Variants in USH2A observed in about 807,000 individuals in gnomAD.
The protein encoded by USH2A is usherin, also known as Usher syndrome 2A (autosomal recessive, mild).
USH2A carries 443 observed loss-of-function variants against 538.9 expected under a neutral mutation model. The observed-to-expected ratio is 0.82, with a 90% CI of 0.76 to 0.89. The LOEUF (loss-of-function observed/expected upper bound fraction) is 0.89, where lower values mean the gene tolerates loss of function less well. USH2A is among the 40% of genes least tolerant of loss of function. USH2A has a pLI of 0.00. For synonymous variants in USH2A, 2,413 were observed against 2,273.5 expected (o/e 1.06, Z -1.75); for missense variants, 6,633 against 6,324.8 (o/e 1.05, Z -1.65).
At chr1:215,769,739 C>T (rs1173253570) in intron 55 of USH2A, among the ~76,000 whole-genome samples, 2 of 152,098 alleles carry the variant, frequency 1.3e-5, no homozygotes, top group Non-Finnish European at 2.9e-5. Flanking sequence ...ATGGCAGACT[C>T]AGCACTGAGC....
At chr1:215,793,337 AC>A (rs1451000376) in intron 50 of USH2A, among the ~76,000 whole-genome samples, 1 of 152,094 alleles carries the variant, frequency 6.6e-6, no homozygotes, top group Non-Finnish European at 1.5e-5. Flanking sequence ...GTTCATGGGG[AC>A]CAAATTTTAA....
chr1:215,722,541 T>C (rs1659692009), intron 61 of USH2A, among the ~76,000 whole-genome samples: 1 of 152,228 alleles, frequency 6.6e-6, no homozygotes, highest in African/African-American at 2.4e-5. Context: ...TTTTGCCACA[T>C]ATCTACTTAA....
At chr1:215,665,923 G>C (rs1657590385) in intron 64 of USH2A, among the ~76,000 whole-genome samples, 1 of 152,238 alleles carries the variant, frequency 6.6e-6, no homozygotes, top group South Asian at 2.1e-4. Flanking sequence ...AGGGTTGTTT[G>C]AGAATTAGAT....
chr1:216,247,398 A>G (rs1263721666), intron 12 of USH2A, among the ~76,000 whole-genome samples, 172 bp from the exon 13 acceptor site: 2 of 152,206 alleles, frequency 1.3e-5, no homozygotes, highest in African/African-American at 2.4e-5. Flanking sequence ...ACAATATTTA[A>G]TTTAGCTTTA....
At chr1:215,701,243 A>G (rs1031718165) in intron 61 of USH2A, among the ~76,000 whole-genome samples, 1 of 152,172 alleles carries the variant, frequency 6.6e-6, no homozygotes, top group Non-Finnish European at 1.5e-5. Context: ...CAGTTTTAGA[A>G]TAAGTGTGAT....
intron 3 of USH2A, among the ~76,000 whole-genome samples, chr1:216,406,982 CCTT>C (rs1348655172): frequency 6.6e-6 from 1 of 152,170 alleles, no homozygotes; most frequent in Non-Finnish European, 1.5e-5. Flanking sequence ...GGCTGACTCT[CCTT>C]CTCAGGTTCC....
Position 215,647,724 on chromosome 1 carries a change from T to C in USH2A, c.14589A>G (p.Glu4863=). Residue 4863 remains glutamate, a synonymous_variant, in exon 67 of 72, where the codon GAA becomes GAG. Transcript: ENST00000307340. ...MFPNGVIHSY[E]LQFHVACPPD... The stretch of plus-strand genomic sequence containing the variant: ...GAGGGCAAGCCACGTGGAATTGGAG[T>C]TCATAGCTAAAATGAGAATGGATAC... The C allele has an allele frequency of 6.2e-7, 1 of 1,614,090 alleles. No homozygotes were observed. The highest frequency in any genetic ancestry group is 8.5e-7 in the Non-Finnish European group (1 of 1,180,006).
At chr1:216,082,825 A>G (rs1252092642) in intron 26 of USH2A, among the ~76,000 whole-genome samples, 1 of 152,136 alleles carries the variant, frequency 6.6e-6, no homozygotes, top group Admixed American at 6.6e-5. Context: ...ATGTGGACAC[A>G]TAAATGACTC....
intron 11 of USH2A, among the ~76,000 whole-genome samples, chr1:216,271,483 TCTTA>T (rs1330904857): frequency 6.6e-6 from 1 of 152,108 alleles, no homozygotes; most frequent in African/African-American, 2.4e-5. Flanking sequence ...ATAATAATAG[TCTTA>T]CTTCTTTCTT....
At chr1:215,684,077 A>G (rs997757316) in intron 61 of USH2A, among the ~76,000 whole-genome samples, 4 of 152,232 alleles carry the variant, frequency 2.6e-5, no homozygotes, top group African/African-American at 7.2e-5. Flanking sequence ...AATATCTTCA[A>G]TGGGATTCAG....
intron 47 of USH2A, 107 bp downstream of exon 47, chr1:215,837,884 A>C: frequency 1.1e-6 from 1 of 914,332 alleles, no homozygotes; most frequent in African/African-American, 1.6e-5. Flanking sequence ...ACATACTTAT[A>C]ATAACCCATT....
intron 16 of USH2A, among the ~76,000 whole-genome samples, chr1:216,206,057 G>C (rs1037650323): frequency 3.3e-5 from 5 of 152,102 alleles, no homozygotes; most frequent in Non-Finnish European, 7.4e-5. Context: ...AAACAGCAAT[G>C]TGTGTATTAA....
rs376531038 is a variant in USH2A, at chr1:216,414,512, A to C, written c.651+4002T>G. Among the ~76,000 whole-genome samples the C allele has an allele frequency of 2.1e-3, 325 of 152,186 alleles. 16 individuals are homozygous for C. In the South Asian group the frequency reaches 0.062, roughly 29 times the overall value. ...CCCCAGATATTTAATTATTTAAAAT[A>C]ATTTTTTTTCTGATTTTGGTAAATT... On this transcript the variant is annotated intron_variant, in intron 3 of 71. Coordinates refer to ENST00000307340, the MANE Select transcript of USH2A (RefSeq NM_206933.4).
chr1:216,051,150 G>A (rs181988000), intron 30 of USH2A, among the ~76,000 whole-genome samples: 4 of 151,756 alleles, frequency 2.6e-5, no homozygotes, highest in Non-Finnish European at 4.4e-5. Flanking sequence ...CTAAACACTC[G>A]CCTTTGCTAG....
At chr1:215,781,902 G>A (rs1171795494) in intron 54 of USH2A, 140 bp downstream of exon 54, 12 of 1,068,878 alleles carry the variant, frequency 1.1e-5, no homozygotes, top group Admixed American at 1.8e-5. Context: ...CTCAGTTAAC[G>A]TGACACATGA....
intron 38 of USH2A, among the ~76,000 whole-genome samples, chr1:215,911,448 C>T (rs1558157211): frequency 6.6e-6 from 1 of 151,248 alleles, no homozygotes; most frequent in African/African-American, 2.5e-5. Flanking sequence ...TAAATGAGAA[C>T]ATGCCACATT....
At chr1:216,147,251 C>G (rs2033726028) in intron 21 of USH2A, among the ~76,000 whole-genome samples, 1 of 152,166 alleles carries the variant, frequency 6.6e-6, no homozygotes, top group East Asian at 1.9e-4. Flanking sequence ...CGAGCTAGGT[C>G]CCAATTCTTC....
chr1:215,679,454 G>A (rs928132561), intron 62 of USH2A, among the ~76,000 whole-genome samples: 8 of 152,318 alleles, frequency 5.3e-5, no homozygotes, highest in Non-Finnish European at 1.0e-4. Flanking sequence ...GGTAAAGGCA[G>A]TAGTATGAAC....
At chr1:216,412,267 TA>T (rs935377309) in intron 3 of USH2A, among the ~76,000 whole-genome samples, 6 of 152,118 alleles carry the variant, frequency 3.9e-5, no homozygotes, top group African/African-American at 1.4e-4. Flanking sequence ...TCTGCTTAAA[TA>T]TTGCATTTTA....
Sources: gnomAD v4.1 joint callset for allele counts (sites outside exome capture counted in the v4.1 genomes callset) on GRCh38, gnomAD v4.1.1 for gene constraint, MANE v1.5 for transcripts, NCBI Gene and HGNC (gene_info 2026-07-23, HGNC 2026-07-21) for gene names.